The following WWOX variants were observed in gnomAD, a reference collection of about 807,000 sequenced individuals.
The protein encoded by WWOX is WW domain containing oxidoreductase.
WWOX carries 69 observed loss-of-function variants against 46.2 expected under a neutral mutation model. The ratio of observed to expected loss-of-function variants is 1.49; its 90% CI spans 1.23 to 1.82. The LOEUF (loss-of-function observed/expected upper bound fraction) is 1.82, where lower values mean the gene tolerates loss of function less well. Ranked by LOEUF, WWOX falls within the 40% of genes most tolerant of loss-of-function variation. The probability of loss-of-function intolerance (pLI) is 0.00; values close to 1 mark genes in which losing one functional copy is unlikely to be tolerated. For missense variants in WWOX, 919 were observed against 542.6 expected (o/e 1.69, Z -6.89); for synonymous variants, 359 against 202.6 (o/e 1.77, Z -6.56).
intron 8 of WWOX, among the ~76,000 whole-genome samples, chr16:78,797,347 G>A (rs1349545622): frequency 9.9e-6 from 1 of 100,900 alleles, no homozygotes; most frequent in Non-Finnish European, 1.9e-5. Context: ...CAATTTTAAG[G>A]GTCAAAGTGG....
intron 5 of WWOX, among the ~76,000 whole-genome samples, chr16:78,381,701 C>T (rs557414726): frequency 4.6e-5 from 7 of 152,096 alleles, no homozygotes; most frequent in African/African-American, 1.7e-4. Context: ...TTTCAAGATT[C>T]AGTGATCTCA....
intron 8 of WWOX, among the ~76,000 whole-genome samples, chr16:79,185,614 G>C (rs2050997843): frequency 6.6e-6 from 1 of 152,156 alleles, no homozygotes; most frequent in Admixed American, 6.6e-5. Flanking sequence ...TTCACGGCTT[G>C]GGTTGTCAGG....
At chr16:78,458,177 G>A (rs1013045470) in intron 8 of WWOX, among the ~76,000 whole-genome samples, 3 of 151,494 alleles carry the variant, frequency 2.0e-5, no homozygotes, top group Non-Finnish European at 4.4e-5. Flanking sequence ...TGATTTTGTC[G>A]AACTTGCCCT....
chr16:78,684,140 C>T lies in WWOX; in HGVS notation c.1056+251388C>T, dbSNP rs1567488749. Among the ~76,000 whole-genome samples the T allele has an allele frequency of 3.9e-5, 6 of 152,288 alleles. No homozygotes were observed. In the South Asian group the frequency reaches 1.2e-3, roughly 32 times the overall value. On this transcript the variant is annotated intron_variant, in intron 8 of 8. Transcript: ENST00000566780. ...GGCATCTTTTTATCAGCTGTCCCTG[C>T]TGCAACAGGCTTAGAGTTGGTTTCC...
At chr16:79,206,711 C>G (rs420196) in intron 8 of WWOX, 60,409 of 151,962 alleles carry the variant, frequency 0.4, 14,258 homozygotes, top group Non-Finnish European at 0.55. Flanking sequence ...TTGGTGTGTT[C>G]GTTGGTTAGC....
At chr16:78,926,348 G>T (rs1365465063) in intron 8 of WWOX, among the ~76,000 whole-genome samples, 1 of 147,360 alleles carries the variant, frequency 6.8e-6, no homozygotes, top group Non-Finnish European at 1.5e-5. Flanking sequence ...ATTTCAGCGT[G>T]GGTGACAGTG....
At chr16:78,556,102 C>G (rs1214409112) in intron 8 of WWOX, among the ~76,000 whole-genome samples, 1 of 151,910 alleles carries the variant, frequency 6.6e-6, no homozygotes, top group Non-Finnish European at 1.5e-5. Flanking sequence ...CCATAGGTAC[C>G]TAGAGGGTCA....
chr16:79,141,174 A>G (rs2050082024), intron 8 of WWOX, among the ~76,000 whole-genome samples: 1 of 152,208 alleles, frequency 6.6e-6, no homozygotes, highest in African/African-American at 2.4e-5. Context: ...GCTATTCAGA[A>G]ACTCAAAAGA....
chr16:78,658,508 C>G (rs762323811), intron 8 of WWOX, among the ~76,000 whole-genome samples: 2 of 152,146 alleles, frequency 1.3e-5, no homozygotes, highest in Admixed American at 1.3e-4. Context: ...GGCCAGACAC[C>G]TGACATCGAG....
chr16:78,926,215 T>C (rs1420275335), intron 8 of WWOX, among the ~76,000 whole-genome samples: 4 of 151,954 alleles, frequency 2.6e-5, no homozygotes, highest in African/African-American at 9.7e-5. Context: ...CTCTCAAAAA[T>C]TTACAAGCTT....
intron 8 of WWOX, among the ~76,000 whole-genome samples, chr16:78,731,351 G>A (rs986520993): frequency 6.6e-6 from 1 of 152,062 alleles, no homozygotes; most frequent in Non-Finnish European, 1.5e-5. Flanking sequence ...AATGATTTCC[G>A]CACCTTTTTA....
chr16:78,661,986 A>G (rs958702947), intron 8 of WWOX, among the ~76,000 whole-genome samples: 3 of 152,182 alleles, frequency 2.0e-5, no homozygotes, highest in Non-Finnish European at 2.9e-5. Context: ...GGAGGTTGCA[A>G]TGAACCGAGA....
intron 8 of WWOX, among the ~76,000 whole-genome samples, chr16:78,976,969 T>G (rs1875940): frequency 0.32 from 48,760 of 152,004 alleles, 9,113 homozygotes; most frequent in Non-Finnish European, 0.43. Context: ...TCTTTTTTTG[T>G]TCGTTTTATG....
intron 8 of WWOX, among the ~76,000 whole-genome samples, chr16:78,803,923 G>T (rs562876319): frequency 6.6e-6 from 1 of 152,274 alleles, no homozygotes; most frequent in South Asian, 2.1e-4. Flanking sequence ...GTGTGTGGGT[G>T]GGGGAGGTGG....
At chr16:78,799,268 G>A (rs887150888) in intron 8 of WWOX, among the ~76,000 whole-genome samples, 1 of 152,184 alleles carries the variant, frequency 6.6e-6, no homozygotes, top group Non-Finnish European at 1.5e-5. Context: ...TTAACGGAGA[G>A]TTCATGGGCA....
At chr16:78,166,846 C>G (rs969870010) in intron 5 of WWOX, 2 of 152,320 alleles carry the variant, frequency 1.3e-5, no homozygotes. Flanking sequence ...CATGAGCCAC[C>G]GTGCCCGACC....
intron 5 of WWOX, among the ~76,000 whole-genome samples, chr16:78,309,158 C>T (rs914684689): frequency 1.2e-4 from 19 of 152,156 alleles, no homozygotes; most frequent in African/African-American, 3.9e-4. Context: ...ATTGTAATCC[C>T]CACAATCCCG....
intron 8 of WWOX, among the ~76,000 whole-genome samples, chr16:79,070,348 C>T (rs555307835): frequency 6.6e-6 from 1 of 151,140 alleles, no homozygotes; most frequent in East Asian, 1.9e-4. Flanking sequence ...GCTGAGATTA[C>T]TGTTGAGAAG....
intron 5 of WWOX, among the ~76,000 whole-genome samples, chr16:78,255,031 C>T (rs2038090286): frequency 6.6e-6 from 1 of 152,220 alleles, no homozygotes; most frequent in Non-Finnish European, 1.5e-5. Flanking sequence ...GTGTTTCCAG[C>T]ACAGTTTCCA....
Sources: gnomAD v4.1 joint callset for allele counts (sites outside exome capture counted in the v4.1 genomes callset) on GRCh38, gnomAD v4.1.1 for gene constraint, MANE v1.5 for transcripts, NCBI Gene and HGNC (gene_info 2026-07-23, HGNC 2026-07-21) for gene names.